Variants in ADSS1 observed in about 807,000 individuals in gnomAD.
ADSS1 encodes the protein adenylosuccinate synthase 1, also known as adenylosuccinate synthetase isozyme 1.
ADSS1 carries 57 observed loss-of-function variants against 59.1 expected under a neutral mutation model. The observed-to-expected ratio is 0.97, with a 90% CI of 0.78 to 1.20. The LOEUF (loss-of-function observed/expected upper bound fraction) is 1.20. Ranked by LOEUF, ADSS1 falls within the 50% of genes most tolerant of loss-of-function variation. ADSS1 has a pLI of 0.00. For missense variants in ADSS1, 603 were observed against 610.3 expected (o/e 0.99, Z 0.13); for synonymous variants, 247 against 249.4 (o/e 0.99, Z 0.09).
chr14:104,728,881 C>A (rs1890798640), intron 1 of ADSS1, among the ~76,000 whole-genome samples: 1 of 152,206 alleles, frequency 6.6e-6, no homozygotes, highest in African/African-American at 2.4e-5. Flanking sequence ...CCCCTCCTCC[C>A]CAAGCCTGCA....
At chr14:104,746,839 A>C in intron 12 of ADSS1, 112 bp from the exon 13 acceptor site, 1 of 1,119,114 alleles carries the variant, frequency 8.9e-7, no homozygotes, top group Non-Finnish European at 1.3e-6. Flanking sequence ...TTTGGAGAGA[A>C]AATAGCCCCT....
chr14:104,744,571 T>C (rs950753452), intron 10 of ADSS1: 1 of 544,794 alleles, frequency 1.8e-6, no homozygotes, highest in Non-Finnish European at 3.3e-6. Context: ...CACAATAGGG[T>C]TCAGGCTCCT....
rs371430420 is a variant in ADSS1, at chr14:104,740,256, C to T, written c.477-345C>T. On this transcript the variant is annotated intron_variant, in intron 5 of 12. Coordinates refer to ENST00000330877, the MANE Select transcript of ADSS1 (RefSeq NM_152328.5). The surrounding 1 kb of genome is among the most constrained non-coding windows in gnomAD (Gnocchi z 4.8). ...ACCCACTCACACTCTCACACAGGCA[C>T]ACACTCATGCTCTTACATACACACC... Among the ~76,000 whole-genome samples the T allele has an allele frequency of 3.9e-4, 60 of 152,300 alleles. No individual in the cohort carries two copies. The highest frequency in any genetic ancestry group is 1.4e-3 in the African/African-American group (58 of 41,560).
chr14:104,744,922 G>A lies in ADSS1; in HGVS notation c.1171+13G>A, dbSNP rs376810625. ...CCCTATTTCCCAGGTATGTGAAGTGGGGCAACCGTTCTGCCTGTTGGGCCG... is the reference window on the plus strand; with the variant it reads ...CCCTATTTCCCAGGTATGTGAAGTGAGGCAACCGTTCTGCCTGTTGGGCCG... On this transcript the variant is annotated intron_variant, in intron 11 of 12. Transcript: ENST00000330877. 2.0e-4 allele frequency: 321 copies of A among 1,612,770 alleles called. No homozygotes were observed. The highest frequency in any genetic ancestry group is 2.5e-4 in the Non-Finnish European group (298 of 1,179,124).
chr14:104,734,874 C>T (rs956103921), intron 1 of ADSS1, 146 bp from the exon 2 acceptor site: 30 of 655,440 alleles, frequency 4.6e-5, no homozygotes, highest in Non-Finnish European at 6.4e-5. Flanking sequence ...CCCGCACAGA[C>T]GCATCAGAGC....
At chr14:104,728,462 C>G (rs1315803602) in intron 1 of ADSS1, among the ~76,000 whole-genome samples, 1 of 152,136 alleles carries the variant, frequency 6.6e-6, no homozygotes, top group African/African-American at 2.4e-5. Context: ...ACCCCACTAC[C>G]AAAAGGGGCA....
chr14:104,746,055 C>A, intron 11 of ADSS1, 181 bp from the exon 12 acceptor site: 1 of 687,348 alleles, frequency 1.5e-6, no homozygotes, highest in Non-Finnish European at 2.4e-6. Flanking sequence ...CACTGCTGTC[C>A]CCTGCTTACC....
Position 104,735,115 on chromosome 14 carries a change from C to T in ADSS1, c.288C>T (p.Ser96=), listed in dbSNP as rs745538776. 9 of 1,609,294 alleles carry T rather than the reference C, an allele frequency of 5.6e-6. No homozygotes were observed. The highest frequency in any genetic ancestry group is 1.3e-5 in the African/African-American group (1 of 74,822). ...PSGIINTKAV[S]FIGNGVVIHL... ...GCATCATCAACACCAAGGCCGTGTC[C>T]TTCATTGGTGAGTGCCCTGCCCCGA... is the stretch of plus-strand genomic sequence containing the variant. The change falls in exon 2 of 13, where the codon TCC becomes TCT. Residue 96 remains serine, a synonymous_variant. Coordinates refer to ENST00000330877, the MANE Select transcript of ADSS1 (RefSeq NM_152328.5).
chr14:104,743,312 TG>T (rs1891441983), intron 10 of ADSS1, 121 bp downstream of exon 10: 3 of 1,430,972 alleles, frequency 2.1e-6, no homozygotes, highest in Non-Finnish European at 2.9e-6. Context: ...AGGTTTCCAC[TG>T]ATCTCGACCC....
chr14:104,728,262 G>A (rs549518850), intron 1 of ADSS1, among the ~76,000 whole-genome samples: 1 of 152,234 alleles, frequency 6.6e-6, no homozygotes, highest in East Asian at 1.9e-4. Context: ...AATGCCTGGG[G>A]TTGCTTCCAG....
chr14:104,746,030 G>C lies in ADSS1; in HGVS notation c.1172-206G>C, dbSNP rs1472826313. On this transcript the variant is annotated intron_variant, in intron 11 of 12. Coordinates refer to ENST00000330877, the MANE Select transcript of ADSS1 (RefSeq NM_152328.5). ...CATGTCCCTCTGGTCTGGAAGGCGT[G>C]TAGTGTCTGAGCCCCACTGCTGTCC... The C allele has an allele frequency of 3.2e-5, 18 of 564,354 alleles. No homozygotes were observed. The East Asian group carries it at 5.3e-4, about 17-fold the overall frequency. The allele number at this position is 564,354 out of a possible 1,614,324, so 35.0% of individuals were successfully genotyped here. A position where few individuals can be genotyped will look rare whatever the true frequency, so the allele number is the denominator to read the frequency against.
intron 2 of ADSS1, among the ~76,000 whole-genome samples, chr14:104,736,203 G>A (rs909736784): frequency 2.6e-5 from 4 of 152,224 alleles, no homozygotes; most frequent in African/African-American, 7.2e-5. Context: ...TGTGGGGGCG[G>A]TCCCTAGTTC....
Position 104,747,162 on chromosome 14 carries a change from T to TAAACATTGTTTAAAATCATTGTAG in ADSS1, c.*167_*168insTTTAAAATCATTGTAGAAACATTG. The stretch of plus-strand genomic sequence containing the variant: ...AACCTGTTGGTTTCTACAATGATTT[T>TAAACATTGTTTAAAATCATTGTAG]AAACATTGGAAAGCCAGCCTTGTGT... On this transcript the variant is annotated 3_prime_UTR_variant, in exon 13 of 13. Coordinates refer to ENST00000330877, the MANE Select transcript of ADSS1 (RefSeq NM_152328.5). 1.6e-6 allele frequency: 1 copy of TAAACATTGTTTAAAATCATTGTAG among 623,540 alleles called. No individual in the cohort carries two copies. Among genetic ancestry groups the TAAACATTGTTTAAAATCATTGTAG allele is most frequent in the Non-Finnish European group, 2.6e-6 (1 of 385,420 alleles). The allele number at this position is 623,540 out of a possible 1,614,324, so 38.6% of individuals were successfully genotyped here.
intron 10 of ADSS1, 164 bp downstream of exon 10, chr14:104,743,355 A>G (rs780590315): frequency 5.3e-5 from 55 of 1,044,626 alleles, no homozygotes; most frequent in Non-Finnish European, 7.1e-5. Context: ...GGTTAGCGGT[A>G]TGGAGGCCTG....
intron 1 of ADSS1, chr14:104,729,928 G>A (rs1190729975): frequency 1.9e-6 from 3 of 1,553,740 alleles, no homozygotes; most frequent in East Asian, 4.9e-5. Context: ...CAACCCAGAG[G>A]CAAGGAGGTG....
chr14:104,727,367 C>T (rs540705208), intron 1 of ADSS1, among the ~76,000 whole-genome samples: 3 of 151,976 alleles, frequency 2.0e-5, no homozygotes, highest in Non-Finnish European at 2.9e-5. Flanking sequence ...CATTCCAGGG[C>T]GGCTCTGGGT....
chr14:104,743,236 C>G lies in ADSS1; in HGVS notation c.1073+45C>G, dbSNP rs745916672. The G allele has an allele frequency of 8.8e-6, 14 of 1,598,268 alleles. No individual in the cohort carries two copies. The South Asian group carries it at 1.5e-4, about 18-fold the overall frequency. ...ATCCCCACTGGGACCGTCCCTGACTCCCGACACCTGCAGAGGCAAGCAGCA... is the reference window on the plus strand; with the variant it reads ...ATCCCCACTGGGACCGTCCCTGACTGCCGACACCTGCAGAGGCAAGCAGCA... On this transcript the variant is annotated intron_variant, in intron 10 of 12. Coordinates refer to ENST00000330877, the MANE Select transcript of ADSS1 (RefSeq NM_152328.5).
chr14:104,733,661 C>T (rs1268140679), intron 1 of ADSS1, among the ~76,000 whole-genome samples: 4 of 152,144 alleles, frequency 2.6e-5, no homozygotes, highest in East Asian at 1.9e-4. Context: ...TGGGAGAATC[C>T]CCCATGCGTA....
chr14:104,734,496 A>C (rs563983031), intron 1 of ADSS1, among the ~76,000 whole-genome samples: 1 of 152,290 alleles, frequency 6.6e-6, no homozygotes, highest in African/African-American at 2.4e-5. Flanking sequence ...CCCTCTCCCC[A>C]CCATCAGCAG....
Sources: gnomAD v4.1 joint callset for allele counts (sites outside exome capture counted in the v4.1 genomes callset) on GRCh38, gnomAD v4.1.1 for gene constraint, Gnocchi (gnomAD v3.1) non-coding constraint, MANE v1.5 for transcripts, NCBI Gene and HGNC (gene_info 2026-07-23, HGNC 2026-07-21) for gene names.